Variants in XPA observed in about 807,000 individuals in gnomAD.
XPA encodes XPA, DNA damage recognition and repair factor.
In XPA, 27 loss-of-function variants were observed where a neutral mutation model predicts 35.7. The ratio of observed to expected loss-of-function variants is 0.76; its 90% CI spans 0.56 to 1.04. The LOEUF is 1.04. XPA is among the 50% of genes least tolerant of loss of function. The probability of loss-of-function intolerance (pLI) is 0.00; values close to 1 mark genes in which losing one functional copy is unlikely to be tolerated. For synonymous variants in XPA, 133 were observed against 118.4 expected (o/e 1.12, Z -0.80); for missense variants, 354 against 342.7 (o/e 1.03, Z -0.26).
At chr9:97,674,040 CT>C (rs1191711749), downstream of XPA, among the ~76,000 whole-genome samples, 1 of 113,616 alleles carries the variant, frequency 8.8e-6, no homozygotes, top group Admixed American at 8.8e-5. Flanking sequence ...ATTATGCCCT[CT>C]TTACAGATAA....
downstream of XPA, chr9:97,673,379 C>T (rs1268351162): frequency 6.6e-6 from 1 of 152,190 alleles, no homozygotes; most frequent in Non-Finnish European, 1.5e-5. Context: ...TGACTCAAAA[C>T]TGCTTTGTAA....
At chr9:97,667,919 G>A in the XPA span, among the ~76,000 whole-genome samples, 1 of 152,208 alleles carries the variant, frequency 6.6e-6, no homozygotes, top group South Asian at 2.1e-4. Context: ...TTTGAGTGGT[G>A]TTAGGAAAGG....
At chr9:97,692,547 T>C (rs972581938) in intron 2 of XPA, among the ~76,000 whole-genome samples, 3 of 152,210 alleles carry the variant, frequency 2.0e-5, no homozygotes, top group African/African-American at 7.2e-5. Context: ...TTTACCAGGA[T>C]GCATTAGAAT....
the XPA span, chr9:97,666,897 G>A: frequency 2.0e-6 from 3 of 1,486,168 alleles, no homozygotes; most frequent in Middle Eastern, 3.5e-4. Context: ...GTGTAAACTT[G>A]TAAGTAGTTA....
intron 4 of XPA, 47 bp from the exon 5 acceptor site, chr9:97,685,087 G>T (rs766585159): frequency 1.3e-6 from 2 of 1,509,782 alleles, no homozygotes; most frequent in African/African-American, 1.4e-5. Flanking sequence ...TCAGACTTGC[G>T]AAATATTATA....
intron 5 of XPA, among the ~76,000 whole-genome samples, chr9:97,676,117 C>G (rs1828358480): frequency 1.3e-5 from 2 of 152,266 alleles, no homozygotes; most frequent in South Asian, 4.1e-4. Flanking sequence ...AATAAGACCT[C>G]AAGTCTGTTG....
chr9:97,670,349 A>T (rs1459627548), downstream of XPA, among the ~76,000 whole-genome samples: 1 of 152,192 alleles, frequency 6.6e-6, no homozygotes, highest in Non-Finnish European at 1.5e-5. Flanking sequence ...CAGGTGGTAA[A>T]CTGTCCACAG....
chr9:97,693,921 T>C (rs936106842), intron 1 of XPA, among the ~76,000 whole-genome samples, 162 bp from the exon 2 acceptor site: 1 of 152,112 alleles, frequency 6.6e-6, no homozygotes, highest in African/African-American at 2.4e-5. Flanking sequence ...TCCCAGCTAG[T>C]CTAACAGAGC....
chr9:97,694,619 G>A (rs1192463566), intron 1 of XPA, among the ~76,000 whole-genome samples: 1 of 152,178 alleles, frequency 6.6e-6, no homozygotes, highest in African/African-American at 2.4e-5. Context: ...ACAATACCAA[G>A]TGTGAGGATG....
chr9:97,662,677 A>C, the XPA span, among the ~76,000 whole-genome samples: 1 of 152,180 alleles, frequency 6.6e-6, no homozygotes, highest in Non-Finnish European at 1.5e-5. Context: ...TGAATATTTC[A>C]CCATGTTTGA....
the XPA span, chr9:97,656,069 C>G: frequency 1.2e-6 from 2 of 1,613,690 alleles, no homozygotes; most frequent in Non-Finnish European, 1.7e-6. Context: ...AAGAGAAGTT[C>G]TAGAAAAATG....
the XPA span, chr9:97,655,610 G>T: frequency 3.8e-5 from 37 of 981,068 alleles, no homozygotes; most frequent in Non-Finnish European, 5.7e-5. Context: ...TGTAAAGTCG[G>T]GTTTTATCTG....
the XPA span, among the ~76,000 whole-genome samples, chr9:97,663,414 A>C: frequency 6.6e-6 from 1 of 152,198 alleles, no homozygotes; most frequent in Non-Finnish European, 1.5e-5. Context: ...TAATGATAAA[A>C]CATTGTTTTA....
At chr9:97,686,126 A>G (rs1341900128) in intron 4 of XPA, among the ~76,000 whole-genome samples, 1 of 152,260 alleles carries the variant, frequency 6.6e-6, no homozygotes, top group Non-Finnish European at 1.5e-5. Flanking sequence ...TTTGTTTTAC[A>G]ATATGGCTTC....
chr9:97,656,019 G>T, the XPA span: 1 of 1,613,614 alleles, frequency 6.2e-7, no homozygotes, highest in South Asian at 1.1e-5. Flanking sequence ...AGGTCAGATT[G>T]TCTTAGTCAA....
chr9:97,692,257 C>CA (rs1307332069), intron 2 of XPA, among the ~76,000 whole-genome samples: 1 of 151,692 alleles, frequency 6.6e-6, no homozygotes, highest in Non-Finnish European at 1.5e-5. Context: ...CACCATTACA[C>CA]TCCAGCCTGG....
chr9:97,675,411 CT>C lies in XPA; in HGVS notation c.*27del. 1 of 1,602,524 alleles carries C rather than the reference CT, an allele frequency of 6.2e-7. No homozygotes were observed. The highest frequency in any genetic ancestry group is 8.5e-7 in the Non-Finnish European group (1 of 1,175,356). Reference sequence around the variant, plus strand: ...ATTTCCTTTATTTAAATATAAAATTCTATAAAACAGGTCACTGAACTAAAAA... The same window carrying C: ...ATTTCCTTTATTTAAATATAAAATTCATAAAACAGGTCACTGAACTAAAAA... On this transcript the variant is annotated 3_prime_UTR_variant, in exon 6 of 6. Transcript: ENST00000375128.
chr9:97,685,757 C>T (rs1828697322), intron 4 of XPA, among the ~76,000 whole-genome samples: 2 of 152,124 alleles, frequency 1.3e-5, no homozygotes, highest in African/African-American at 4.8e-5. Flanking sequence ...TGAGACATCA[C>T]GTTTTCCGCA....
At chr9:97,679,762 G>A (rs937506546) in intron 5 of XPA, among the ~76,000 whole-genome samples, 3 of 152,094 alleles carry the variant, frequency 2.0e-5, no homozygotes, top group Non-Finnish European at 2.9e-5. Context: ...AAGGATAAAG[G>A]GTACCTTTAC....
Sources: gnomAD v4.1 joint callset for allele counts (sites outside exome capture counted in the v4.1 genomes callset) on GRCh38, gnomAD v4.1.1 for gene constraint, MANE v1.5 for transcripts, NCBI Gene and HGNC (gene_info 2026-07-23, HGNC 2026-07-21) for gene names.